The following FBXL7 variants were observed in gnomAD, a reference collection of about 807,000 sequenced individuals.
FBXL7 encodes the protein F-box and leucine rich repeat protein 7.
In FBXL7, 12 loss-of-function variants were observed where a neutral mutation model predicts 38.3. The observed-to-expected ratio is 0.31, with a 90% CI of 0.20 to 0.51. The LOEUF is 0.51. Among genes scored for constraint, FBXL7 ranks in the 20% least tolerant of loss-of-function variants. The pLI is 0.98. For missense variants in FBXL7, 567 were observed against 676.4 expected (o/e 0.84, Z 1.79); for synonymous variants, 297 against 300.9 (o/e 0.99, Z 0.13).
At chr5:15,926,909 A>T (rs1285751549) in intron 2 of FBXL7, among the ~76,000 whole-genome samples, 1 of 151,332 alleles carries the variant, frequency 6.6e-6, no homozygotes, top group African/African-American at 2.4e-5. Context: ...CCTACTCACT[A>T]CTCTTCCTGT....
intron 2 of FBXL7, among the ~76,000 whole-genome samples, chr5:15,895,227 C>T (rs1057335405): frequency 4.6e-5 from 7 of 152,050 alleles, no homozygotes; most frequent in East Asian, 1.9e-4. Flanking sequence ...AAATGATTAC[C>T]GATGAGTGAG....
chr5:15,677,904 A>G (rs539331443), intron 2 of FBXL7, among the ~76,000 whole-genome samples: 2 of 152,284 alleles, frequency 1.3e-5, no homozygotes, highest in African/African-American at 4.8e-5. Context: ...TTCATGTCCT[A>G]AAAAAGGTGA....
At chr5:15,608,268 A>G (rs1740098335) in intron 1 of FBXL7, among the ~76,000 whole-genome samples, 1 of 152,028 alleles carries the variant, frequency 6.6e-6, no homozygotes, top group Admixed American at 6.6e-5. Flanking sequence ...TTTTTTTCTC[A>G]TAGCAGCCTC....
chr5:15,922,071 A>G (rs1259714858), intron 2 of FBXL7, among the ~76,000 whole-genome samples: 1 of 152,150 alleles, frequency 6.6e-6, no homozygotes, highest in Non-Finnish European at 1.5e-5. Flanking sequence ...AGATACTGAA[A>G]CAACCTAGGG....
chr5:15,924,808 G>T (rs1741839836), intron 2 of FBXL7, among the ~76,000 whole-genome samples: 1 of 152,040 alleles, frequency 6.6e-6, no homozygotes, highest in South Asian at 2.1e-4. Context: ...TGTATTTTTA[G>T]TAGAGACAGG....
At chr5:15,805,952 G>A (rs1264961165) in intron 2 of FBXL7, among the ~76,000 whole-genome samples, 2 of 152,158 alleles carry the variant, frequency 1.3e-5, no homozygotes, top group African/African-American at 2.4e-5. Context: ...AAAAAGTGAA[G>A]ATTGATTTTT....
intron 2 of FBXL7, among the ~76,000 whole-genome samples, chr5:15,867,317 C>T (rs1739757130): frequency 6.6e-6 from 1 of 152,210 alleles, no homozygotes; most frequent in Non-Finnish European, 1.5e-5. Flanking sequence ...TACCTATCAT[C>T]TCCACCTTCT....
chr5:15,595,970 T>A (rs567190933), intron 1 of FBXL7, among the ~76,000 whole-genome samples: 1 of 152,248 alleles, frequency 6.6e-6, no homozygotes, highest in African/African-American at 2.4e-5. Flanking sequence ...TAACATGAAA[T>A]AACAAGATCG....
At position 15,939,152 on chromosome 5, in the gene FBXL7, A is replaced by G. The variant is rs1579620253; in HGVS notation, c.*1966A>G. On this transcript the variant is annotated 3_prime_UTR_variant, in exon 4 of 4. Transcript: ENST00000504595. ...AACATCATGGCCTCCCATCCAATCA[A>G]CATCATCAAATTACATGTGTAATCA... 2 of 398,570 alleles carry G rather than the reference A, an allele frequency of 5.0e-6. No homozygotes were observed. Among genetic ancestry groups the G allele is most frequent in the East Asian group, 3.6e-5 (1 of 28,060 alleles). The allele number at this position is 398,570 out of a possible 1,614,324, so 24.7% of individuals were successfully genotyped here. A position where few individuals can be genotyped will look rare whatever the true frequency, so the allele number is the denominator to read the frequency against.
chr5:15,642,368 G>T (rs533971885), intron 2 of FBXL7, among the ~76,000 whole-genome samples: 2 of 152,298 alleles, frequency 1.3e-5, no homozygotes, highest in South Asian at 4.1e-4. Context: ...CAGCCAACTT[G>T]AGCAATTTCC....
At chr5:15,588,021 G>T (rs768418894) in intron 1 of FBXL7, among the ~76,000 whole-genome samples, 5 of 152,068 alleles carry the variant, frequency 3.3e-5, no homozygotes, top group Non-Finnish European at 7.4e-5. Context: ...TGTTATGCCA[G>T]GTTGAAACTC....
chr5:15,929,432 A>G (rs1354095549), intron 3 of FBXL7, among the ~76,000 whole-genome samples: 1 of 152,182 alleles, frequency 6.6e-6, no homozygotes, highest in Non-Finnish European at 1.5e-5. Flanking sequence ...GAGCCTGAGC[A>G]ACAAAGCGAG....
At chr5:15,643,641 A>C (rs1741437980) in intron 2 of FBXL7, among the ~76,000 whole-genome samples, 1 of 152,228 alleles carries the variant, frequency 6.6e-6, no homozygotes, top group Non-Finnish European at 1.5e-5. Flanking sequence ...TTTAGCAAGA[A>C]TTGAAGGCTG....
chr5:15,555,600 G>A (rs1441950784), intron 1 of FBXL7, among the ~76,000 whole-genome samples: 1 of 152,152 alleles, frequency 6.6e-6, no homozygotes, highest in Non-Finnish European at 1.5e-5. Context: ...GTGTTCAGGA[G>A]AGAGTCAGGA....
chr5:15,921,747 T>A (rs977935531), intron 2 of FBXL7, among the ~76,000 whole-genome samples: 1 of 152,202 alleles, frequency 6.6e-6, no homozygotes, highest in African/African-American at 2.4e-5. Context: ...GAAAAGGTGC[T>A]CAATATCACT....
intron 3 of FBXL7, among the ~76,000 whole-genome samples, chr5:15,934,346 C>G (rs537929761): frequency 6.6e-6 from 1 of 152,242 alleles, no homozygotes; most frequent in South Asian, 2.1e-4. Context: ...GTTACTTTTG[C>G]ACTAACCTAA....
chr5:15,546,523 C>T (rs1437449050), intron 1 of FBXL7, among the ~76,000 whole-genome samples: 4 of 152,022 alleles, frequency 2.6e-5, no homozygotes, highest in African/African-American at 9.7e-5. Flanking sequence ...GCTGAGATGG[C>T]GCCATTGCAC....
chr5:15,832,676 A>G (rs1176393480), intron 2 of FBXL7, among the ~76,000 whole-genome samples: 1 of 152,212 alleles, frequency 6.6e-6, no homozygotes, highest in East Asian at 1.9e-4. Flanking sequence ...TTATCCAAAG[A>G]CAGAGAGGAA....
intron 2 of FBXL7, among the ~76,000 whole-genome samples, chr5:15,676,935 T>C (rs1320443083): frequency 6.6e-6 from 1 of 152,228 alleles, no homozygotes; most frequent in Non-Finnish European, 1.5e-5. Context: ...TGCCATTTTA[T>C]ATTCTTTGAT....
Sources: allele counts gnomAD v4.1 joint callset (sites outside exome capture counted in the v4.1 genomes callset), GRCh38; gene constraint gnomAD v4.1.1; transcripts MANE v1.5; gene names NCBI Gene and HGNC (gene_info 2026-07-23, HGNC 2026-07-21).